RP2: variants seen among roughly 807,000 people sequenced by gnomAD.
RP2 encodes the protein RP2 activator of ARL3 GTPase.
Under a neutral mutation model 20.3 loss-of-function variants are expected in RP2, and 3 were observed. The ratio of observed to expected loss-of-function variants is 0.15; its 90% CI spans 0.07 to 0.38. The LOEUF is 0.38. Ranked by LOEUF, RP2 falls within the 10% of genes least tolerant of loss-of-function variation. The pLI is 1.00. For missense variants in RP2, 233 were observed against 268.5 expected (o/e 0.87, Z 0.92); for synonymous variants, 75 against 94.8 (o/e 0.79, Z 1.22).
At chrX:46,847,790 G>T (rs28532223) in intron 1 of RP2, among the ~76,000 whole-genome samples, 1 of 80,072 alleles carries the variant, frequency 1.2e-5, no homozygotes, top group East Asian at 4.2e-4. Context: ...ATACACACAT[G>T]TGTGTGTGTA....
At chrX:46,847,568 GTA>G (rs781916787) in intron 1 of RP2, among the ~76,000 whole-genome samples, 35 of 105,260 alleles carry the variant, frequency 3.3e-4, no homozygotes, top group Non-Finnish European at 6.4e-4. Flanking sequence ...ATATATGTGT[GTA>G]TATATATACA....
At position 46,879,802 on chromosome X, in the gene RP2, C is replaced by T. The variant is rs201374021; in HGVS notation, c.*33C>T. On this transcript the variant is annotated 3_prime_UTR_variant, in exon 5 of 5. Coordinates refer to ENST00000218340, the MANE Select transcript of RP2 (RefSeq NM_006915.3). ...TGTGGAACCAGGACTTGGTATTAAG[C>T]CTTTCCCAACTTGTGAATATAGAAT... The T allele has an allele frequency of 1.1e-6, 1 of 884,423 alleles. No homozygotes were observed. The highest frequency in any genetic ancestry group is 2.0e-5 in the African/African-American group (1 of 50,441). The allele number at this position is 884,423 out of a possible 1,213,427, so 72.9% of individuals were successfully genotyped here. A position where few individuals can be genotyped will look rare whatever the true frequency, so the allele number is the denominator to read the frequency against.
intron 3 of RP2, among the ~76,000 whole-genome samples, 183 bp from the exon 4 acceptor site, chrX:46,877,317 GTTAAT>G (rs1190322633): frequency 1.8e-5 from 2 of 112,346 alleles, no homozygotes; most frequent in African/African-American, 6.5e-5. Flanking sequence ...ATGAGACTGT[GTTAAT>G]TTGTTTTATG....
chrX:46,840,873 GTC>G (rs1385875246), intron 1 of RP2, among the ~76,000 whole-genome samples: 3 of 112,519 alleles, frequency 2.7e-5, no homozygotes, highest in African/African-American at 6.5e-5. Context: ...CAACACATGT[GTC>G]TGTTATATTT....
chrX:46,844,071 A>G (rs1924669795), intron 1 of RP2, among the ~76,000 whole-genome samples: 1 of 112,348 alleles, frequency 8.9e-6, no homozygotes, highest in Non-Finnish European at 1.9e-5. Context: ...CATTAGATAC[A>G]TAGGATATGA....
At chrX:46,847,363 A>G (rs1924733642) in intron 1 of RP2, among the ~76,000 whole-genome samples, 1 of 110,553 alleles carries the variant, frequency 9.0e-6, no homozygotes, top group African/African-American at 3.3e-5. Flanking sequence ...AACATTTTCA[A>G]TTTGAGTAAA....
chrX:46,844,841 T>A (rs1487928328), intron 1 of RP2, among the ~76,000 whole-genome samples: 7 of 111,889 alleles, frequency 6.3e-5, no homozygotes, highest in Non-Finnish European at 1.3e-4. Flanking sequence ...CCAGCACCTG[T>A]TGTTTCCTGA....
chrX:46,867,560 T>C (rs1556323130), intron 3 of RP2, among the ~76,000 whole-genome samples: 2 of 112,487 alleles, frequency 1.8e-5, no homozygotes, highest in Non-Finnish European at 1.9e-5. Context: ...AGGTAAAATA[T>C]ACATACATAA....
intron 3 of RP2, among the ~76,000 whole-genome samples, chrX:46,876,794 T>C (rs182651489): frequency 8.9e-6 from 1 of 112,627 alleles, no homozygotes; most frequent in Admixed American, 9.4e-5. Context: ...TGTGTTGGTT[T>C]GTATTTGTTT....
chrX:46,871,107 C>T (rs1336927030), intron 3 of RP2, among the ~76,000 whole-genome samples: 17 of 103,190 alleles, frequency 1.6e-4, no homozygotes, highest in African/African-American at 5.4e-4. Flanking sequence ...CTGCAACCTC[C>T]GCCTCCCGGG....
chrX:46,862,476 C>A (rs782403651), intron 3 of RP2, among the ~76,000 whole-genome samples: 2 of 109,822 alleles, frequency 1.8e-5, no homozygotes, highest in East Asian at 5.8e-4. Context: ...CTGGCTAACA[C>A]GGTGAAACCC....
At chrX:46,869,151 C>T (rs1925236697) in intron 3 of RP2, among the ~76,000 whole-genome samples, 1 of 110,122 alleles carries the variant, frequency 9.1e-6, no homozygotes, top group Admixed American at 9.7e-5. Flanking sequence ...GTTGCTTATG[C>T]CTGTAATCCC....
At chrX:46,838,722 C>T (rs781828794) in intron 1 of RP2, among the ~76,000 whole-genome samples, 1 of 112,245 alleles carries the variant, frequency 8.9e-6, no homozygotes, top group South Asian at 3.6e-4. Context: ...TAGGACTTCT[C>T]ATGTTAATCC....
At chrX:46,846,259 T>A (rs1005148180) in intron 1 of RP2, among the ~76,000 whole-genome samples, 1 of 111,307 alleles carries the variant, frequency 9.0e-6, no homozygotes, top group Non-Finnish European at 1.9e-5. Flanking sequence ...TACTCATGAG[T>A]GGGATTGCTG....
intron 4 of RP2, 143 bp downstream of exon 4, chrX:46,877,733 T>TGTGTG (rs1556327925): frequency 2.3e-4 from 97 of 413,963 alleles, no homozygotes; most frequent in Admixed American, 1.1e-3. Flanking sequence ...TGTGTGTGTG[T>TGTGTG]TTAAAGCAGA....
chrX:46,877,580 A>T lies in RP2; in HGVS notation c.959A>T (p.Asn320Ile). 2 of 1,171,843 alleles carry T rather than the reference A, an allele frequency of 1.7e-6. No homozygotes were observed. Among genetic ancestry groups the T allele is most frequent in the Non-Finnish European group, 2.3e-6 (2 of 859,013 alleles). Residue 320 changes from asparagine (N) to isoleucine (I), a missense_variant, in exon 4 of 5, where the codon AAT (asparagine) becomes ATT (isoleucine). Physicochemically the swap from Asn to Ile is moderately radical, Grantham distance 149 (BLOSUM62 -3). Around this residue, in one of 3 missense-constraint regions of RP2, gnomAD observed 118 missense variants for 123.8 expected, o/e 0.95. Transcript: ENST00000218340. ...CAACTTATTGTAAACGAGATATTCAATGGGACCAAGGTACAAGATTTTATT... is the reference window on the plus strand; with the variant it reads ...CAACTTATTGTAAACGAGATATTCATTGGGACCAAGGTACAAGATTTTATT... ...VCQLIVNEIF[N>I]GTKMFVSESK...
At chrX:46,874,341 A>C (rs1486687025) in intron 3 of RP2, among the ~76,000 whole-genome samples, 6 of 112,022 alleles carry the variant, frequency 5.4e-5, no homozygotes, top group African/African-American at 1.9e-4. Context: ...ATTTCCTTGT[A>C]GTGATGAAAC....
chrX:46,880,317 T>C lies in RP2; in HGVS notation c.*548T>C, dbSNP rs782000574. On this transcript the variant is annotated 3_prime_UTR_variant, in exon 5 of 5. Transcript: ENST00000218340. The stretch of plus-strand genomic sequence containing the variant: ...TGTACATGGAGTTGACATAATACTT[T>C]GTAAATTGAATTTTTTAAAGAAATA... 1.6e-4 allele frequency: 18 copies of C among 112,643 alleles called. No individual in the cohort carries two copies. In the Admixed American group the frequency reaches 1.6e-3, roughly 10 times the overall value. The allele number at this position is 112,643 out of a possible 1,213,427, so 9.3% of individuals were successfully genotyped here.
intron 2 of RP2, among the ~76,000 whole-genome samples, chrX:46,854,997 A>T (rs900874233): frequency 5.4e-5 from 6 of 110,842 alleles, no homozygotes; most frequent in African/African-American, 2.0e-4. Context: ...CGATCTTTTG[A>T]CCTCATGATC....
Sources: allele counts gnomAD v4.1 joint callset (sites outside exome capture counted in the v4.1 genomes callset), GRCh38; gene constraint gnomAD v4.1.1; regional missense constraint gnomAD v4.1.1; transcripts MANE v1.5; gene names NCBI Gene and HGNC (gene_info 2026-07-23, HGNC 2026-07-21).